Variants in PRR16 observed in about 807,000 individuals in gnomAD.
PRR16 encodes the protein proline rich 16.
PRR16 carries 6 observed loss-of-function variants against 18.2 expected under a neutral mutation model. That is an observed-to-expected ratio of 0.33 (90% CI 0.18 to 0.65). The LOEUF is 0.65. Ranked by LOEUF, PRR16 falls within the 30% of genes least tolerant of loss-of-function variation. The pLI is 0.74. For synonymous variants in PRR16, 151 were observed against 147.8 expected, an observed-to-expected ratio of 1.02 and a Z score of -0.16; for missense variants, 412 against 376.6, an observed-to-expected ratio of 1.09 and a Z score of -0.78.
At chr5:120,689,408 T>A (rs1041754907), downstream of PRR16, among the ~76,000 whole-genome samples, 8 of 152,168 alleles carry the variant, frequency 5.3e-5, no homozygotes, top group Admixed American at 1.3e-4. Context: ...TCAGCCAACA[T>A]TGCTTCAAAA....
intron 1 of PRR16, among the ~76,000 whole-genome samples, chr5:120,597,796 A>C (rs189671928): frequency 1.1e-4 from 16 of 151,900 alleles, no homozygotes; most frequent in African/African-American, 3.9e-4. Flanking sequence ...CCTCCTTCTA[A>C]ATCTTCTAAA....
At chr5:120,738,703 G>A in the PRR16 span, among the ~76,000 whole-genome samples, 1 of 152,212 alleles carries the variant, frequency 6.6e-6, no homozygotes, top group Non-Finnish European at 1.5e-5. Context: ...TATTATCTTG[G>A]TAGGTGCATT....
chr5:120,635,318 G>T (rs1381737441), intron 1 of PRR16, among the ~76,000 whole-genome samples: 1 of 151,896 alleles, frequency 6.6e-6, no homozygotes, highest in Admixed American at 6.6e-5. Context: ...AACGAAAAAG[G>T]AAGGAAAACT....
chr5:120,489,339 T>A (rs1482940443), intron 1 of PRR16, among the ~76,000 whole-genome samples: 1 of 152,206 alleles, frequency 6.6e-6, no homozygotes, highest in African/African-American at 2.4e-5. Flanking sequence ...GGTGCTCCTG[T>A]ATTGGGTGCA....
chr5:120,759,582 A>G, the PRR16 span, among the ~76,000 whole-genome samples: 1 of 152,148 alleles, frequency 6.6e-6, no homozygotes, highest in South Asian at 2.1e-4. Context: ...GAGTAATTAA[A>G]TTTTATGATA....
chr5:120,752,248 G>C, the PRR16 span, among the ~76,000 whole-genome samples: 1 of 152,124 alleles, frequency 6.6e-6, no homozygotes, highest in Admixed American at 6.6e-5. Flanking sequence ...CATTAGACAA[G>C]AGAAGACCCA....
chr5:120,559,733 A>G (rs1752519271), intron 1 of PRR16, among the ~76,000 whole-genome samples: 1 of 151,902 alleles, frequency 6.6e-6, no homozygotes, highest in Admixed American at 6.6e-5. Flanking sequence ...GAATCTGTAG[A>G]TTACTTCGGG....
chr5:120,599,004 A>G (rs1000439283), intron 1 of PRR16, among the ~76,000 whole-genome samples: 3 of 151,830 alleles, frequency 2.0e-5, no homozygotes, highest in Non-Finnish European at 2.9e-5. Context: ...GGAAAGTCTG[A>G]GAATATATTT....
chr5:120,595,098 G>A (rs1412659579), intron 1 of PRR16, among the ~76,000 whole-genome samples: 1 of 151,986 alleles, frequency 6.6e-6, no homozygotes, highest in Non-Finnish European at 1.5e-5. Flanking sequence ...TGCAACAAAA[G>A]CAAAAATTGA....
At position 120,481,431 on chromosome 5, in the gene PRR16, C is replaced by T. The variant is rs969731271; in HGVS notation, c.159+16786C>T. ...CAGGCGTGAGCCACCACGCCTGGCC[C>T]GTTTTAAAATATATCATTGCCGATG... On this transcript the variant is annotated intron_variant, in intron 1 of 1. Coordinates refer to ENST00000407149, the MANE Select transcript of PRR16 (RefSeq NM_001300783.2). 1.2e-4 allele frequency: 28 copies of T among 231,182 alleles called. No homozygotes were observed. The Admixed American group carries it at 1.3e-3, about 11-fold the overall frequency. 14.3% of individuals were successfully genotyped at this position (231,182 alleles called of 1,614,324 possible). A position where few individuals can be genotyped will look rare whatever the true frequency, so the allele number is the denominator to read the frequency against.
chr5:120,630,758 G>A (rs1426532482), intron 1 of PRR16, among the ~76,000 whole-genome samples: 3 of 152,022 alleles, frequency 2.0e-5, no homozygotes, highest in African/African-American at 7.2e-5. Context: ...ACCCCAAATT[G>A]TTTAGTTACC....
the PRR16 span, among the ~76,000 whole-genome samples, chr5:120,780,733 G>C: frequency 6.6e-6 from 1 of 152,036 alleles, no homozygotes; most frequent in South Asian, 2.1e-4. Context: ...TTACTACATC[G>C]TAGTAACCTT....
chr5:120,722,739 GTC>G, the PRR16 span, among the ~76,000 whole-genome samples: 1 of 152,072 alleles, frequency 6.6e-6, no homozygotes, highest in Admixed American at 6.6e-5. Context: ...TACCATAGTT[GTC>G]TCTACCACAT....
At chr5:120,733,187 C>A in the PRR16 span, among the ~76,000 whole-genome samples, 1 of 151,974 alleles carries the variant, frequency 6.6e-6, no homozygotes, top group Non-Finnish European at 1.5e-5. Context: ...GTTCTGTCAC[C>A]CAGGCTGGAG....
the PRR16 span, among the ~76,000 whole-genome samples, chr5:120,772,381 C>G: frequency 6.6e-6 from 1 of 152,042 alleles, no homozygotes; most frequent in African/African-American, 2.4e-5. Context: ...TTGTTTACTA[C>G]TGTATCTGGA....
At chr5:120,775,862 G>A in the PRR16 span, among the ~76,000 whole-genome samples, 1 of 141,254 alleles carries the variant, frequency 7.1e-6, no homozygotes. Flanking sequence ...TGTCCAGGCT[G>A]GTCTCGAACT....
chr5:120,564,372 A>G (rs1432069051), intron 1 of PRR16, among the ~76,000 whole-genome samples: 3 of 152,074 alleles, frequency 2.0e-5, no homozygotes, highest in African/African-American at 4.8e-5. Context: ...AAGTTTACCT[A>G]GCACCCCAGA....
At chr5:120,702,656 A>G in the PRR16 span, among the ~76,000 whole-genome samples, 1 of 152,138 alleles carries the variant, frequency 6.6e-6, no homozygotes, top group Admixed American at 6.5e-5. Context: ...CCGGCGCCGG[A>G]GTTTTGGGTC....
chr5:120,667,959 G>A (rs1412014845), intron 1 of PRR16, among the ~76,000 whole-genome samples: 2 of 152,056 alleles, frequency 1.3e-5, no homozygotes, highest in South Asian at 2.1e-4. Flanking sequence ...TTCTGTAGAT[G>A]TCTATTAGGT....
Sources: allele counts gnomAD v4.1 joint callset (sites outside exome capture counted in the v4.1 genomes callset), GRCh38; gene constraint gnomAD v4.1.1; transcripts MANE v1.5; gene names NCBI Gene and HGNC (gene_info 2026-07-23, HGNC 2026-07-21).